MAP3K7CL: variants seen among roughly 807,000 people sequenced by gnomAD.
The protein encoded by MAP3K7CL is MAP3K7 C-terminal-like protein.
In MAP3K7CL, 16 loss-of-function variants were observed where a neutral mutation model predicts 18.6. The ratio of observed to expected loss-of-function variants is 0.86; its 90% CI spans 0.58 to 1.31. The LOEUF (loss-of-function observed/expected upper bound fraction) is 1.31, where lower values mean the gene tolerates loss of function less well. Ranked by LOEUF, MAP3K7CL falls within the 50% of genes most tolerant of loss-of-function variation. The pLI is 0.00. For missense variants in MAP3K7CL, 163 were observed against 174.4 expected (o/e 0.93, Z 0.37); for synonymous variants, 65 against 66.8 (o/e 0.97, Z 0.13).
intron 4 of MAP3K7CL, among the ~76,000 whole-genome samples, chr21:29,104,371 C>G (rs1262029433): frequency 1.3e-5 from 2 of 152,122 alleles, no homozygotes; most frequent in African/African-American, 4.8e-5. Flanking sequence ...AAATCACTTT[C>G]CCTACCTTTA....
chr21:29,121,763 A>C (rs1389968088), intron 4 of MAP3K7CL, among the ~76,000 whole-genome samples: 1 of 151,690 alleles, frequency 6.6e-6, no homozygotes, highest in Admixed American at 6.6e-5. Context: ...AAGGGTACTT[A>C]GGCTACATCT....
intron 4 of MAP3K7CL, among the ~76,000 whole-genome samples, chr21:29,111,769 T>G (rs992868699): frequency 3.3e-5 from 5 of 152,150 alleles, no homozygotes; most frequent in African/African-American, 1.2e-4. Flanking sequence ...CATCCTTATT[T>G]TAGTTTCTCA....
chr21:29,134,865 C>T (rs973527542), intron 2 of MAP3K7CL, among the ~76,000 whole-genome samples: 5 of 152,044 alleles, frequency 3.3e-5, no homozygotes, highest in South Asian at 2.1e-4. Flanking sequence ...CTGGCTAATA[C>T]GGTGAAACCC....
At chr21:29,086,033 G>T in intron 1 of MAP3K7CL, 2 of 1,159,716 alleles carry the variant, frequency 1.7e-6, no homozygotes. Flanking sequence ...GACCTTGGAA[G>T]TCTCAGCTAA....
chr21:29,102,985 T>A (rs1346396985), intron 4 of MAP3K7CL, among the ~76,000 whole-genome samples: 2 of 152,152 alleles, frequency 1.3e-5, no homozygotes, highest in Non-Finnish European at 2.9e-5. Flanking sequence ...ACAGATCGAT[T>A]GCAACTGCGG....
chr21:29,091,836 G>A lies in MAP3K7CL; in HGVS notation c.227+75G>A, dbSNP rs189784634. Reference sequence around the variant, plus strand: ...CTCCCATCTGCTGAGTGCTTCCTATGTACCAGGTACTATGTATTAATTGTT... The same window carrying A: ...CTCCCATCTGCTGAGTGCTTCCTATATACCAGGTACTATGTATTAATTGTT... On this transcript the variant is annotated intron_variant, in intron 3 of 6. Coordinates refer to the MAP3K7CL transcript ENST00000286791. 2.6e-4 allele frequency: 170 copies of A among 666,314 alleles called. No homozygotes were observed. In the Admixed American group the frequency reaches 3.1e-3, roughly 12 times the overall value. 41.3% of individuals were successfully genotyped at this position (666,314 alleles called of 1,614,324 possible). A position where few individuals can be genotyped will look rare whatever the true frequency, so the allele number is the denominator to read the frequency against.
At chr21:29,165,791 C>G (rs1797245924) in intron 4 of MAP3K7CL, among the ~76,000 whole-genome samples, 1 of 152,184 alleles carries the variant, frequency 6.6e-6, no homozygotes, top group Admixed American at 6.5e-5. Flanking sequence ...AGGCTGGTCT[C>G]AAACTCCTGG....
At chr21:29,156,327 C>T (rs1568966780) in intron 3 of MAP3K7CL, among the ~76,000 whole-genome samples, 1 of 152,204 alleles carries the variant, frequency 6.6e-6, no homozygotes, top group Admixed American at 6.5e-5. Flanking sequence ...GATGTTTTCT[C>T]ATCTAGTTAC....
chr21:29,153,581 TG>T (rs1005969894), intron 3 of MAP3K7CL, among the ~76,000 whole-genome samples: 1 of 152,158 alleles, frequency 6.6e-6, no homozygotes, highest in Non-Finnish European at 1.5e-5. Context: ...CTTGAGTAGC[TG>T]GGACCACAGG....
intron 4 of MAP3K7CL, among the ~76,000 whole-genome samples, chr21:29,121,191 G>C (rs2086589285): frequency 6.6e-6 from 1 of 151,658 alleles, no homozygotes; most frequent in African/African-American, 2.4e-5. Flanking sequence ...TCAAGTTTGG[G>C]CAATGACTGT....
At chr21:29,116,911 G>A (rs1484554924) in intron 4 of MAP3K7CL, among the ~76,000 whole-genome samples, 1 of 151,962 alleles carries the variant, frequency 6.6e-6, no homozygotes, top group Admixed American at 6.5e-5. Context: ...CATTGCCATG[G>A]TACTTAGGCC....
chr21:29,174,647 T>G, intron 4 of MAP3K7CL, 65 bp from the exon 5 acceptor site: 39 of 1,560,884 alleles, frequency 2.5e-5, no homozygotes, highest in Non-Finnish European at 3.2e-5. Flanking sequence ...ATGCTATTAC[T>G]GAATAATTTA....
intron 1 of MAP3K7CL, among the ~76,000 whole-genome samples, chr21:29,132,803 C>A (rs2086804547): frequency 6.6e-6 from 1 of 152,152 alleles, no homozygotes; most frequent in Non-Finnish European, 1.5e-5. Flanking sequence ...AGCCACCACA[C>A]CCAGCGACTT....
At chr21:29,160,219 G>C (rs2087513712) in intron 4 of MAP3K7CL, among the ~76,000 whole-genome samples, 163 bp downstream of exon 4, 1 of 152,190 alleles carries the variant, frequency 6.6e-6, no homozygotes, top group Non-Finnish European at 1.5e-5. Context: ...TTATGGAGTA[G>C]CAAAAGGAAT....
intron 4 of MAP3K7CL, among the ~76,000 whole-genome samples, chr21:29,105,209 G>A (rs1471124420): frequency 6.6e-6 from 1 of 152,190 alleles, no homozygotes; most frequent in Non-Finnish European, 1.5e-5. Flanking sequence ...TGGAAGTGGA[G>A]CTTGCCCTGG....
upstream of MAP3K7CL, among the ~76,000 whole-genome samples, chr21:29,126,423 T>C (rs57721945): frequency 0.48 from 72,811 of 152,050 alleles, 17,783 homozygotes; most frequent in East Asian, 0.67. Context: ...TAAGAGCTCA[T>C]AAGTGTAAAA....
chr21:29,170,635 C>CTCTTTTTTTTT (rs2123237003), intron 4 of MAP3K7CL, among the ~76,000 whole-genome samples: 1 of 149,860 alleles, frequency 6.7e-6, no homozygotes, highest in South Asian at 2.1e-4. Flanking sequence ...CTCTCTCTTT[C>CTCTTTTTTTTT]TCTTTTTTTT....
chr21:29,105,891 A>C (rs1305285492), intron 4 of MAP3K7CL, among the ~76,000 whole-genome samples: 1 of 152,132 alleles, frequency 6.6e-6, no homozygotes, highest in Non-Finnish European at 1.5e-5. Flanking sequence ...GACAGAAAAA[A>C]ATTCTACTCC....
chr21:29,117,300 T>C lies in MAP3K7CL; in HGVS notation c.370+24719T>C, dbSNP rs1043528220. Among the ~76,000 whole-genome samples, 3 of 152,246 alleles carry C rather than the reference T, an allele frequency of 2.0e-5. No individual in the cohort carries two copies. In the East Asian group the frequency reaches 5.8e-4, roughly 29 times the overall value. ...TTTAGCTGGAGCGGTGATGGAAAGCTATTCCTTCTCTGATGGACTTAACAA... is the reference window on the plus strand; with the variant it reads ...TTTAGCTGGAGCGGTGATGGAAAGCCATTCCTTCTCTGATGGACTTAACAA... On this transcript the variant is annotated intron_variant, in intron 4 of 6. Transcript: ENST00000286791.
Sources: allele counts gnomAD v4.1 joint callset (sites outside exome capture counted in the v4.1 genomes callset), GRCh38; gene constraint gnomAD v4.1.1; transcripts MANE v1.5; gene names NCBI Gene and HGNC (gene_info 2026-07-23, HGNC 2026-07-21).